The following ARPP21 variants were observed in gnomAD, a reference collection of about 807,000 sequenced individuals.
ARPP21 encodes the protein cAMP-regulated phosphoprotein 21.
A neutral mutation model predicts 113.2 loss-of-function variants in ARPP21; 69 were observed. The ratio of observed to expected loss-of-function variants is 0.61; its 90% confidence interval spans 0.50 to 0.74. The LOEUF (loss-of-function observed/expected upper bound fraction) is 0.74, where lower values mean the gene tolerates loss of function less well. ARPP21 is among the 30% of genes least tolerant of loss of function. The pLI is 0.00. For missense variants in ARPP21, 1,070 were observed against 1,037.4 expected, an observed-to-expected ratio of 1.03 and a Z score of -0.43; for synonymous variants, 368 against 375.5, an observed-to-expected ratio of 0.98 and a Z score of 0.23.
chr3:35,729,236 G>T, intron 14 of ARPP21, 67 bp from the exon 15 acceptor site: 4 of 1,104,294 alleles, frequency 3.6e-6, no homozygotes, highest in Non-Finnish European at 5.5e-6. Context: ...TGAGCATTTA[G>T]ACTCAGATTG....
At chr3:35,726,260 A>G (rs1315334297) in intron 14 of ARPP21, among the ~76,000 whole-genome samples, 1 of 152,230 alleles carries the variant, frequency 6.6e-6, no homozygotes, top group Non-Finnish European at 1.5e-5. Context: ...TCATTTTTTA[A>G]AAAATCTTTG....
intron 13 of ARPP21, among the ~76,000 whole-genome samples, chr3:35,718,146 G>A (rs985666157): frequency 2.6e-5 from 4 of 152,100 alleles, no homozygotes; most frequent in Non-Finnish European, 5.9e-5. Flanking sequence ...AAAATACTAA[G>A]AAAATCAGAT....
At chr3:35,655,883 C>A (rs1704617006) in intron 1 of ARPP21, among the ~76,000 whole-genome samples, 1 of 151,774 alleles carries the variant, frequency 6.6e-6, no homozygotes, top group Non-Finnish European at 1.5e-5. Context: ...GTGATGGGGC[C>A]CAAGTATATG....
At chr3:35,694,924 ATAT>A (rs1171371552) in intron 9 of ARPP21, among the ~76,000 whole-genome samples, 2 of 147,528 alleles carry the variant, frequency 1.4e-5, no homozygotes, top group Non-Finnish European at 3.0e-5. Flanking sequence ...ATATATTTAG[ATAT>A]TATACATAAT....
intron 19 of ARPP21, among the ~76,000 whole-genome samples, chr3:35,758,071 G>A (rs1376798539): frequency 1.3e-5 from 2 of 152,106 alleles, no homozygotes; most frequent in South Asian, 2.1e-4. Context: ...ATTTATAATA[G>A]CAACACAATT....
intron 15 of ARPP21, among the ~76,000 whole-genome samples, chr3:35,730,627 G>C (rs1051684017): frequency 6.6e-6 from 1 of 152,182 alleles, no homozygotes; most frequent in African/African-American, 2.4e-5. Context: ...CTGAAGTTTG[G>C]TTTCGATCCT....
At chr3:35,696,089 A>G (rs555192431) in intron 9 of ARPP21, among the ~76,000 whole-genome samples, 1 of 151,656 alleles carries the variant, frequency 6.6e-6, no homozygotes, top group South Asian at 2.1e-4. Context: ...GAAGGCGGGC[A>G]GCTCTTAGAG....
intron 9 of ARPP21, among the ~76,000 whole-genome samples, chr3:35,697,492 T>A (rs1304400830): frequency 6.6e-6 from 1 of 151,632 alleles, no homozygotes; most frequent in African/African-American, 2.4e-5. Flanking sequence ...TGGTAAATCA[T>A]AAAAGCCATG....
rs560309610 is a variant in ARPP21, at chr3:35,702,172, T to C, written c.687-4802T>C. On this transcript the variant is annotated intron_variant, in intron 9 of 20. Transcript: ENST00000684406. ...CTCCTAGCATTATTATTCTTACATATTATAGTTTCAACATAAATATGATCA... is the reference window on the plus strand; with the variant it reads ...CTCCTAGCATTATTATTCTTACATACTATAGTTTCAACATAAATATGATCA... Among the ~76,000 whole-genome samples, 4 of 151,886 alleles carry C rather than the reference T, an allele frequency of 2.6e-5. No individual in the cohort carries two copies. The East Asian group carries it at 7.8e-4, about 29-fold the overall frequency.
At chr3:35,750,320 T>G (rs959084988) in intron 19 of ARPP21, among the ~76,000 whole-genome samples, 4 of 152,164 alleles carry the variant, frequency 2.6e-5, no homozygotes, top group Admixed American at 1.3e-4. Context: ...ACCTTATCTT[T>G]GGCCCGTGGA....
intron 10 of ARPP21, 38 bp from the exon 11 acceptor site, chr3:35,708,931 A>C: frequency 6.9e-7 from 1 of 1,446,932 alleles, no homozygotes; most frequent in Non-Finnish European, 9.7e-7. Context: ...CTAACAACGC[A>C]ACTTGGATAA....
At chr3:35,689,230 G>A in intron 6 of ARPP21, 77 bp from the exon 7 acceptor site, 1 of 768,538 alleles carries the variant, frequency 1.3e-6, no homozygotes, top group South Asian at 1.4e-5. Flanking sequence ...GGGGGAAACA[G>A]GATAGGTTGG....
chr3:35,651,369 A>G (rs905504159), intron 1 of ARPP21, among the ~76,000 whole-genome samples: 1 of 152,136 alleles, frequency 6.6e-6, no homozygotes, highest in African/African-American at 2.4e-5. Context: ...GGATTATGCC[A>G]GATAATATCT....
At chr3:35,717,841 A>G (rs972546487) in intron 13 of ARPP21, among the ~76,000 whole-genome samples, 3 of 152,138 alleles carry the variant, frequency 2.0e-5, no homozygotes, top group Admixed American at 6.5e-5. Context: ...AATTAAAATG[A>G]AATACTTAAA....
Position 35,721,894 on chromosome 3 carries a change from A to G in ARPP21, c.1225+60A>G, listed in dbSNP as rs2093109087. 10 of 1,058,008 alleles carry G rather than the reference A, an allele frequency of 9.5e-6. No homozygotes were observed. In the East Asian group the frequency reaches 2.4e-4, roughly 25 times the overall value. The allele number at this position is 1,058,008 out of a possible 1,614,324, so 65.5% of individuals were successfully genotyped here. ...ATTTTTTGGATTCTACCCAAGCCAT[A>G]TGGTCACCATTCCCTCTGACTTTCA... On this transcript the variant is annotated intron_variant, in intron 14 of 20. Transcript: ENST00000684406.
intron 1 of ARPP21, among the ~76,000 whole-genome samples, chr3:35,672,151 T>G (rs1353198091): frequency 6.6e-6 from 1 of 152,142 alleles, no homozygotes; most frequent in Non-Finnish European, 1.5e-5. Context: ...TGAGTTGCTT[T>G]GCTCTCAAAT....
chr3:35,785,579 A>G (rs962965782), intron 19 of ARPP21, among the ~76,000 whole-genome samples: 2 of 152,192 alleles, frequency 1.3e-5, no homozygotes, highest in Admixed American at 6.5e-5. Context: ...TCAGGATAGT[A>G]TAATTGCAGT....
chr3:35,729,610 G>T, intron 15 of ARPP21, 74 bp downstream of exon 15: 1 of 1,312,284 alleles, frequency 7.6e-7, no homozygotes. Flanking sequence ...TTATGAATTT[G>T]CTAGCAAGTA....
At chr3:35,681,987 A>C in intron 3 of ARPP21, 107 bp downstream of exon 3, 1 of 1,287,152 alleles carries the variant, frequency 7.8e-7, no homozygotes, top group Non-Finnish European at 1.0e-6. Context: ...TTCACTGGTT[A>C]TATCATTAGG....
Sources: allele counts gnomAD v4.1 joint callset (sites outside exome capture counted in the v4.1 genomes callset), GRCh38; gene constraint gnomAD v4.1.1; transcripts MANE v1.5; gene names NCBI Gene and HGNC (gene_info 2026-07-23, HGNC 2026-07-21).